The following CLYBL variants were observed in gnomAD, a reference collection of about 807,000 sequenced individuals.
CLYBL encodes citramalyl-CoA lyase, mitochondrial.
CLYBL carries 31 observed loss-of-function variants against 38.9 expected under a neutral mutation model. That is an observed-to-expected ratio of 0.80 (90% CI 0.60 to 1.08). The LOEUF is 1.08. Ranked by LOEUF, CLYBL falls within the 50% of genes least tolerant of loss-of-function variation. The pLI, the probability that CLYBL is intolerant of heterozygous loss-of-function variation, is 0.00. For missense variants in CLYBL, 434 were observed against 411.6 expected (o/e 1.05, Z -0.47); for synonymous variants, 171 against 158.6 (o/e 1.08, Z -0.59).
chr13:99,744,992 C>T (rs1357564593), intron 1 of CLYBL, among the ~76,000 whole-genome samples: 1 of 152,204 alleles, frequency 6.6e-6, no homozygotes, highest in African/African-American at 2.4e-5. Flanking sequence ...TCAAGTGAGA[C>T]CACTTGAGAT....
At chr13:99,750,298 A>G (rs976761569) in intron 1 of CLYBL, among the ~76,000 whole-genome samples, 1 of 152,164 alleles carries the variant, frequency 6.6e-6, no homozygotes, top group Non-Finnish European at 1.5e-5. Flanking sequence ...TCTGTAAGAA[A>G]TTTTTATTTT....
At chr13:99,760,365 T>C (rs545047140) in intron 1 of CLYBL, among the ~76,000 whole-genome samples, 1 of 152,256 alleles carries the variant, frequency 6.6e-6, no homozygotes, top group Non-Finnish European at 1.5e-5. Context: ...TTACCTTTAC[T>C]AAGATGTTTA....
Position 99,677,662 on chromosome 13 carries a change from T to A in CLYBL, c.62+70905T>A, listed in dbSNP as rs186222632. On this transcript the variant is annotated intron_variant, in intron 1 of 8. Transcript: ENST00000339105. Reference sequence around the variant, plus strand: ...GGAGAAATCTGTGACTGTATTTAGTTCATGTCATTCATTGGAGACAAGTCA... The same window carrying A: ...GGAGAAATCTGTGACTGTATTTAGTACATGTCATTCATTGGAGACAAGTCA... 1.2e-3 allele frequency among the ~76,000 whole-genome samples: 178 copies of A among 152,364 alleles called. 2 individuals are homozygous for A. Among genetic ancestry groups the A allele is most frequent in the African/African-American group, 4.0e-3 (166 of 41,582 alleles).
intron 2 of CLYBL, among the ~76,000 whole-genome samples, chr13:99,831,772 C>G (rs1444985032): frequency 1.3e-5 from 2 of 151,256 alleles, no homozygotes; most frequent in African/African-American, 4.9e-5. Context: ...AAAAAGGGGC[C>G]CCATTTTGAT....
intron 1 of CLYBL, among the ~76,000 whole-genome samples, chr13:99,664,834 G>T (rs9557276): frequency 0.48 from 72,809 of 151,884 alleles, 17,691 homozygotes; most frequent in East Asian, 0.74. Flanking sequence ...TCATGTGCAA[G>T]TCCTTTTTTA....
At chr13:99,729,941 C>T (rs1385518474) in intron 1 of CLYBL, among the ~76,000 whole-genome samples, 1 of 152,096 alleles carries the variant, frequency 6.6e-6, no homozygotes, top group African/African-American at 2.4e-5. Flanking sequence ...CACCTGCCAC[C>T]GTCGGTCCCT....
intron 1 of CLYBL, among the ~76,000 whole-genome samples, chr13:99,648,671 G>T (rs2047210184): frequency 6.6e-6 from 1 of 152,178 alleles, no homozygotes; most frequent in Non-Finnish European, 1.5e-5. Flanking sequence ...TGTTATCAGT[G>T]TTTAGGGTCT....
intron 1 of CLYBL, among the ~76,000 whole-genome samples, chr13:99,710,500 G>A (rs1333020744): frequency 6.6e-6 from 1 of 152,166 alleles, no homozygotes; most frequent in African/African-American, 2.4e-5. Flanking sequence ...TGAAGACAAT[G>A]TAGGACAAGA....
intron 2 of CLYBL, among the ~76,000 whole-genome samples, chr13:99,785,420 C>T (rs9585222): frequency 0.023 from 3,490 of 151,166 alleles, 142 homozygotes; most frequent in African/African-American, 0.08. Context: ...CTCTATGTTG[C>T]CCAGGCTTGG....
intron 1 of CLYBL, among the ~76,000 whole-genome samples, chr13:99,655,718 A>G (rs1205112901): frequency 2.0e-5 from 3 of 152,192 alleles, no homozygotes; most frequent in Non-Finnish European, 4.4e-5. Context: ...TCAGCTGATG[A>G]CGTGGCCCTG....
chr13:99,689,062 C>T (rs753494939), intron 1 of CLYBL, among the ~76,000 whole-genome samples: 6 of 152,178 alleles, frequency 3.9e-5, no homozygotes, highest in Non-Finnish European at 7.3e-5. Flanking sequence ...CAAGCATCAC[C>T]CCTCCTGTCC....
chr13:99,907,567 A>T (rs571941173), intron 9 of CLYBL, among the ~76,000 whole-genome samples: 2 of 152,112 alleles, frequency 1.3e-5, no homozygotes, highest in African/African-American at 2.4e-5. Flanking sequence ...CTATACATCA[A>T]TTTTTTTTAA....
At chr13:99,612,957 G>T (rs1005953972) in intron 1 of CLYBL, among the ~76,000 whole-genome samples, 1 of 151,720 alleles carries the variant, frequency 6.6e-6, no homozygotes, top group African/African-American at 2.4e-5. Flanking sequence ...TGGGGTTTCA[G>T]TGAGCTGTGA....
At chr13:99,774,262 A>G (rs999315832) in intron 2 of CLYBL, among the ~76,000 whole-genome samples, 8 of 152,100 alleles carry the variant, frequency 5.3e-5, no homozygotes, top group African/African-American at 1.7e-4. Flanking sequence ...CAAAATAACC[A>G]ATTTGTAAAT....
At chr13:99,839,547 G>T (rs2139114719) in intron 2 of CLYBL, among the ~76,000 whole-genome samples, 1 of 152,248 alleles carries the variant, frequency 6.6e-6, no homozygotes, top group Admixed American at 6.5e-5. Flanking sequence ...AAGAATCCTA[G>T]CTATACGAAT....
chr13:99,649,542 G>C (rs1342364675), intron 1 of CLYBL, among the ~76,000 whole-genome samples: 1 of 152,182 alleles, frequency 6.6e-6, no homozygotes, highest in Admixed American at 6.5e-5. Flanking sequence ...GGAAAATTTG[G>C]AATATTGATG....
intron 1 of CLYBL, among the ~76,000 whole-genome samples, chr13:99,633,204 C>G (rs1594093018): frequency 1.1e-5 from 1 of 87,156 alleles, no homozygotes; most frequent in Non-Finnish European, 2.2e-5. Flanking sequence ...GAGCAAGATC[C>G]TGTCTCAAAA....
intron 3 of CLYBL, among the ~76,000 whole-genome samples, chr13:99,860,926 C>T (rs1168984429): frequency 5.3e-5 from 8 of 152,172 alleles, no homozygotes; most frequent in Admixed American, 5.2e-4. Context: ...CAAGCGTAAC[C>T]CTGCCTCCTT....
intron 1 of CLYBL, among the ~76,000 whole-genome samples, chr13:99,765,245 T>C (rs1167892856): frequency 2.6e-5 from 4 of 152,162 alleles, no homozygotes; most frequent in Non-Finnish European, 5.9e-5. Flanking sequence ...TTCTGCTGCT[T>C]CCCCCTGGCC....
Sources: gnomAD v4.1 joint callset for allele counts (sites outside exome capture counted in the v4.1 genomes callset) on GRCh38, gnomAD v4.1.1 for gene constraint, MANE v1.5 for transcripts, NCBI Gene and HGNC (gene_info 2026-07-23, HGNC 2026-07-21) for gene names.